PRKN: variants seen among roughly 807,000 people sequenced by gnomAD.
The protein encoded by PRKN is E3 ubiquitin-protein ligase parkin.
A neutral mutation model predicts 59.5 loss-of-function variants in PRKN; 56 were observed. That is an observed-to-expected ratio of 0.94 (90% CI 0.76 to 1.18). The LOEUF (loss-of-function observed/expected upper bound fraction) is 1.18. PRKN is among the 50% of genes most tolerant of loss of function. The pLI is 0.00. For missense variants in PRKN, 657 were observed against 596.4 expected (o/e 1.10, Z -1.06); for synonymous variants, 250 against 222.1 (o/e 1.13, Z -1.12).
At chr6:162,387,470 T>G (rs111540069) in intron 2 of PRKN, among the ~76,000 whole-genome samples, 1 of 150,134 alleles carries the variant, frequency 6.7e-6, no homozygotes, top group African/African-American at 2.5e-5. Context: ...CTCAAATTAT[T>G]GAAGTTAAGA....
intron 8 of PRKN, among the ~76,000 whole-genome samples, chr6:161,558,330 C>T (rs760764260): frequency 2.0e-5 from 3 of 151,950 alleles, no homozygotes; most frequent in African/African-American, 4.8e-5. Context: ...GGGAGGCTGA[C>T]GTGGGAGGAT....
At chr6:161,821,719 CTTTTTTTTTTTTTTTTTTTTTTTTTTTT>C (rs531807176) in intron 6 of PRKN, among the ~76,000 whole-genome samples, 840 of 64,704 alleles carry the variant, frequency 0.013, 16 homozygotes, top group East Asian at 0.061. Context: ...CACTGGTGTT[CTTTTTTTTTTTTTTTTTTTTTTTTTTTT>C]TTTTTTTTTT....
intron 6 of PRKN, among the ~76,000 whole-genome samples, chr6:161,971,285 G>C (rs1780796262): frequency 6.6e-6 from 1 of 152,068 alleles, no homozygotes; most frequent in African/African-American, 2.4e-5. Context: ...AAACGGGGAG[G>C]GCAACGCTCT....
At chr6:161,599,901 A>G (rs1430923794) in intron 7 of PRKN, among the ~76,000 whole-genome samples, 1 of 152,232 alleles carries the variant, frequency 6.6e-6, no homozygotes, top group Non-Finnish European at 1.5e-5. Flanking sequence ...ACAGCAACAC[A>G]GGGATTCTCA....
intron 9 of PRKN, among the ~76,000 whole-genome samples, chr6:161,394,290 T>C (rs2114963201): frequency 6.6e-6 from 1 of 152,064 alleles, no homozygotes; most frequent in South Asian, 2.1e-4. Context: ...CAGTGTTCTA[T>C]GTGTGGTCTC....
intron 9 of PRKN, among the ~76,000 whole-genome samples, chr6:161,408,264 C>T (rs1388649861): frequency 2.1e-5 from 3 of 143,518 alleles, no homozygotes; most frequent in Admixed American, 7.4e-5. Flanking sequence ...TTAAACATGG[C>T]GTTAGAGAAA....
At position 162,205,013 on chromosome 6, in the gene PRKN, C is replaced by T. The variant is rs9365385; in HGVS notation, c.413-3761G>A. ...GAGTAGCTGGAACTACAGGCGTGCA[C>T]CACCACACCCAGCTAATTTTGGTAT... On this transcript the variant is annotated intron_variant, in intron 3 of 11. Transcript: ENST00000366898. Among the ~76,000 whole-genome samples, 395 of 152,080 alleles carry T rather than the reference C, an allele frequency of 2.6e-3. 14 individuals carry two copies. In the East Asian group the frequency reaches 0.052, roughly 20 times the overall value.
chr6:161,757,881 A>C (rs1484621121), intron 7 of PRKN, among the ~76,000 whole-genome samples: 6 of 23,954 alleles, frequency 2.5e-4, no homozygotes, highest in African/African-American at 8.6e-4. Context: ...CTGTGTATAT[A>C]TATATACACA....
chr6:161,685,877 C>G (rs1157069284), intron 7 of PRKN, among the ~76,000 whole-genome samples: 7 of 151,984 alleles, frequency 4.6e-5, no homozygotes, highest in Non-Finnish European at 7.4e-5. Context: ...TTTCTGATAC[C>G]CCCTTAAATT....
intron 7 of PRKN, among the ~76,000 whole-genome samples, chr6:161,573,849 G>A (rs1326678092): frequency 7.7e-6 from 1 of 129,464 alleles, no homozygotes; most frequent in Non-Finnish European, 1.6e-5. Context: ...CTTTACAAGC[G>A]GTCTTTTATG....
Position 162,501,352 on chromosome 6 carries a change from C to CTTT in PRKN, c.8-57882_8-57880dup, listed in dbSNP as rs398038329. ...ATTATGTTTCTAAATCCCTTTTTTCCTTTTTTTTTTTTTGAGACACAGTTT... is the reference window on the plus strand; with the variant it reads ...ATTATGTTTCTAAATCCCTTTTTTCCTTTTTTTTTTTTTTTTGAGACACAGTTT... On this transcript the variant is annotated intron_variant, in intron 1 of 11. Coordinates refer to ENST00000366898, the MANE Select transcript of PRKN (RefSeq NM_004562.3). Among the ~76,000 whole-genome samples, 461 of 139,652 alleles carry CTTT rather than the reference C, an allele frequency of 3.3e-3. 3 individuals are homozygous for CTTT. Among genetic ancestry groups the CTTT allele is most frequent in the Non-Finnish European group, 4.2e-3 (275 of 65,510 alleles). The allele number at this position is 139,652 out of a possible 152,430, so 91.6% of individuals were successfully genotyped here.
intron 7 of PRKN, among the ~76,000 whole-genome samples, chr6:161,637,145 A>G (rs1426759939): frequency 6.6e-6 from 1 of 152,148 alleles, no homozygotes; most frequent in Non-Finnish European, 1.5e-5. Context: ...CTGAAATTGG[A>G]AGTGTGTCTG....
chr6:162,435,762 A>G (rs1789736872), intron 2 of PRKN, among the ~76,000 whole-genome samples: 1 of 152,204 alleles, frequency 6.6e-6, no homozygotes, highest in South Asian at 2.1e-4. Flanking sequence ...TCAGTCCTGT[A>G]GTGAATGAGC....
chr6:162,069,725 G>A (rs1313033700), intron 4 of PRKN, among the ~76,000 whole-genome samples: 1 of 152,170 alleles, frequency 6.6e-6, no homozygotes, highest in African/African-American at 2.4e-5. Context: ...TTGTTCCTAA[G>A]TAAGCCAAGT....
At chr6:162,296,292 G>T (rs540880390) in intron 2 of PRKN, among the ~76,000 whole-genome samples, 1 of 128,174 alleles carries the variant, frequency 7.8e-6, no homozygotes, top group Non-Finnish European at 1.6e-5. Flanking sequence ...CTGCCTCCCA[G>T]CCAGGGGCCT....
At position 162,380,530 on chromosome 6, in the gene PRKN, T is replaced by C. The variant is rs943978630; in HGVS notation, c.171+62780A>G. On this transcript the variant is annotated intron_variant, in intron 2 of 11. Transcript: ENST00000366898. ...GTGTGTATATATATATATATGTATA[T>C]ATACATATATATATGTATCATTAAC... Among the ~76,000 whole-genome samples, 13 of 143,594 alleles carry C rather than the reference T, an allele frequency of 9.1e-5. 1 individual carries two copies. The highest frequency in any genetic ancestry group is 5.6e-4 in the Admixed American group (8 of 14,188). The allele number at this position is 143,594 out of a possible 152,430, so 94.2% of individuals were successfully genotyped here.
Position 161,369,902 on chromosome 6 carries a change from G to GTTT in PRKN, c.1168-9698_1168-9697insAAA. The GTTT allele has an allele frequency of 2.7e-6, 1 of 366,914 alleles. No individual in the cohort carries two copies. The highest frequency in any genetic ancestry group is 6.1e-6 in the Non-Finnish European group (1 of 164,928). The allele number at this position is 366,914 out of a possible 1,614,324, so 22.7% of individuals were successfully genotyped here. Reference sequence around the variant, plus strand: ...GTAAAGGCATGATCGTCCATCTGTGGCTCAAGAGGAATAACCTCACAAGGG... The same window carrying GTTT: ...GTAAAGGCATGATCGTCCATCTGTGGTTTCTCAAGAGGAATAACCTCACAAGGG... On this transcript the variant is annotated intron_variant, in intron 10 of 11. Transcript: ENST00000366898. This position sits in a 1 kb window ranked among gnomAD's most constrained non-coding sequence, Gnocchi z 5.8.
chr6:162,379,651 C>T (rs140093153), intron 2 of PRKN, among the ~76,000 whole-genome samples: 160 of 152,246 alleles, frequency 1.1e-3, no homozygotes, highest in African/African-American at 3.7e-3. Context: ...GCTGGTGAAG[C>T]CAAAGGTCCT....
chr6:162,118,720 G>A (rs1780780438), intron 4 of PRKN, among the ~76,000 whole-genome samples: 1 of 152,150 alleles, frequency 6.6e-6, no homozygotes, highest in Non-Finnish European at 1.5e-5. Flanking sequence ...CATTTATAAG[G>A]TAACCAGTGC....
Sources: allele counts gnomAD v4.1 joint callset (sites outside exome capture counted in the v4.1 genomes callset), GRCh38; gene constraint gnomAD v4.1.1; non-coding constraint Gnocchi (gnomAD v3.1); transcripts MANE v1.5; gene names NCBI Gene and HGNC (gene_info 2026-07-23, HGNC 2026-07-21).